The following DENND5A variants were observed in gnomAD, a reference collection of about 807,000 sequenced individuals.
DENND5A encodes DENN domain containing 5A, also known as DENN domain-containing protein 5A.
DENND5A carries 64 observed loss-of-function variants against 140.3 expected under a neutral mutation model. The ratio of observed to expected loss-of-function variants is 0.46; its 90% CI spans 0.37 to 0.56. The LOEUF is 0.56. Among genes scored for constraint, DENND5A ranks in the 20% least tolerant of loss-of-function variants. DENND5A has a pLI of 0.00. For synonymous variants in DENND5A, 605 were observed against 607.7 expected (o/e 1.00, Z 0.07); for missense variants, 1,292 against 1,593.8 (o/e 0.81, Z 3.22).
rs1384186129 is a variant in DENND5A, at chr11:9,243,109, AAAAAAAAC to A, written c.109+21844_109+21851del. On this transcript the variant is annotated intron_variant, in intron 1 of 22. Coordinates refer to ENST00000328194, the MANE Select transcript of DENND5A (RefSeq NM_015213.4). Reference sequence around the variant, plus strand: ...TCTCAAAAAAAAAAAAAAAAACAAAAAAAAAAACTGAGGCGAGTAAGGCTAATTGGAAT... The same window carrying A: ...TCTCAAAAAAAAAAAAAAAAACAAAATGAGGCGAGTAAGGCTAATTGGAAT... 1.3e-3 allele frequency among the ~76,000 whole-genome samples: 191 copies of A among 147,580 alleles called. 5 individuals carry two copies. Among genetic ancestry groups the A allele is most frequent in the Non-Finnish European group, 1.8e-3 (122 of 67,544 alleles).
At chr11:9,187,312 G>A (rs867246118) in intron 5 of DENND5A, among the ~76,000 whole-genome samples, 45 of 152,070 alleles carry the variant, frequency 3.0e-4, no homozygotes, top group African/African-American at 1.0e-3. Flanking sequence ...TAACAGCTTT[G>A]GGGAGAGTAG....
chr11:9,176,611 T>C (rs1264759695), intron 8 of DENND5A, among the ~76,000 whole-genome samples: 1 of 152,104 alleles, frequency 6.6e-6, no homozygotes, highest in Non-Finnish European at 1.5e-5. Flanking sequence ...CCAATAATGA[T>C]AGCTAGAAAA....
At chr11:9,197,990 C>G (rs768631391) in intron 4 of DENND5A, among the ~76,000 whole-genome samples, 30 of 152,284 alleles carry the variant, frequency 2.0e-4, no homozygotes, top group African/African-American at 7.2e-4. Flanking sequence ...ATTTTCCCCA[C>G]TCTGAGTAAA....
At chr11:9,259,576 A>G (rs575022644) in intron 1 of DENND5A, among the ~76,000 whole-genome samples, 1 of 152,046 alleles carries the variant, frequency 6.6e-6, no homozygotes, top group South Asian at 2.1e-4. Flanking sequence ...CAAAACAAAC[A>G]AACAAACAAA....
intron 1 of DENND5A, among the ~76,000 whole-genome samples, chr11:9,260,280 C>A (rs980653287): frequency 6.6e-6 from 1 of 151,930 alleles, no homozygotes; most frequent in Non-Finnish European, 1.5e-5. Context: ...GTAAGAAATA[C>A]GTCACAAGTA....
At chr11:9,149,973 G>T in intron 15 of DENND5A, 108 bp downstream of exon 15, 1 of 1,436,894 alleles carries the variant, frequency 7.0e-7, no homozygotes, top group Non-Finnish European at 9.3e-7. Context: ...GAGGTTAGCT[G>T]AATGCAGCAG....
chr11:9,157,879 C>T (rs1847862878), intron 12 of DENND5A, among the ~76,000 whole-genome samples: 1 of 152,090 alleles, frequency 6.6e-6, no homozygotes, highest in Non-Finnish European at 1.5e-5. Context: ...ATTTGGATTT[C>T]AGAAAGTGCA....
chr11:9,187,268 T>G, intron 5 of DENND5A, among the ~76,000 whole-genome samples: 1 of 152,154 alleles, frequency 6.6e-6, no homozygotes, highest in Non-Finnish European at 1.5e-5. Flanking sequence ...TCATATATCC[T>G]CCTTCCTCAG....
intron 4 of DENND5A, 194 bp downstream of exon 4, chr11:9,203,466 C>T: frequency 1.7e-6 from 1 of 577,628 alleles, no homozygotes; most frequent in Non-Finnish European, 3.0e-6. Flanking sequence ...CAGCAAAAGG[C>T]CATGAAGATA....
chr11:9,205,384 A>T (rs994538262), intron 3 of DENND5A, among the ~76,000 whole-genome samples: 14 of 152,214 alleles, frequency 9.2e-5, no homozygotes, highest in African/African-American at 2.9e-4. Context: ...TATTATATCT[A>T]TTAGCCTTAA....
chr11:9,168,760 C>A (rs1848271453), intron 10 of DENND5A, among the ~76,000 whole-genome samples: 1 of 152,166 alleles, frequency 6.6e-6, no homozygotes, highest in African/African-American at 2.4e-5. Context: ...TTTTCCAATT[C>A]ACTGAGCTGC....
chr11:9,144,070 G>A (rs1564878723), intron 19 of DENND5A, 27 bp downstream of exon 19: 5 of 1,604,954 alleles, frequency 3.1e-6, no homozygotes, highest in East Asian at 4.5e-5. Flanking sequence ...TGTATGGCAT[G>A]AGGGCCCAAC....
In DENND5A at chr11:9,203,598, T is replaced by G; in HGVS notation, c.949+62A>C. On this transcript the variant is annotated intron_variant, in intron 4 of 22. Coordinates refer to ENST00000328194, the MANE Select transcript of DENND5A (RefSeq NM_015213.4). The stretch of plus-strand genomic sequence containing the variant: ...AACCTTTACAGTCAGCCTCACTGTA[T>G]CTGAACATGGAAAGCAAAGAAGCCT... 2.6e-6 allele frequency: 4 copies of G among 1,534,974 alleles called. No individual in the cohort carries two copies. In the South Asian group the frequency reaches 5.1e-5, roughly 20 times the overall value.
At chr11:9,210,658 C>G (rs1174572096) in intron 1 of DENND5A, among the ~76,000 whole-genome samples, 2 of 152,182 alleles carry the variant, frequency 1.3e-5, no homozygotes, top group Non-Finnish European at 2.9e-5. Context: ...ATCCTCCCAC[C>G]TCAGCCTCCA....
At chr11:9,220,050 T>C (rs368520124) in intron 1 of DENND5A, among the ~76,000 whole-genome samples, 13 of 152,126 alleles carry the variant, frequency 8.5e-5, no homozygotes, top group Non-Finnish European at 1.2e-4. Flanking sequence ...TGAAGAGAGA[T>C]TGGTTTTGTT....
intron 11 of DENND5A, among the ~76,000 whole-genome samples, chr11:9,164,443 C>T (rs1050115595): frequency 6.6e-6 from 1 of 151,880 alleles, no homozygotes; most frequent in African/African-American, 2.4e-5. Flanking sequence ...ATGGGCACCA[C>T]TTAGAACTGA....
chr11:9,144,995 T>G lies in DENND5A; in HGVS notation c.3122A>C (p.Lys1041Thr), dbSNP rs756937624. 12 of 1,602,946 alleles carry G rather than the reference T, an allele frequency of 7.5e-6. No homozygotes were observed. The highest frequency in any genetic ancestry group is 5.1e-6 in the Non-Finnish European group (6 of 1,169,962). Residue 1041 changes from lysine (K) to threonine (T), a missense_variant and splice_region_variant, in exon 18 of 23, where the codon AAG (lysine) becomes ACG (threonine). Transcript: ENST00000328194. ...CCTTACAGCCTGAGGGTATACTTAC[T>G]TGTAGGTATGTCCTGTGATCTCATT... ...VRNEITGHTYKFPCGRWLGKG... is the reference protein window; with the variant it reads ...VRNEITGHTYTFPCGRWLGKG...
intron 11 of DENND5A, 74 bp downstream of exon 11, chr11:9,165,762 G>A (rs931730876): frequency 3.2e-6 from 5 of 1,546,570 alleles, no homozygotes; most frequent in African/African-American, 1.4e-5. Context: ...CAGAGGGAGT[G>A]GTCAGAGCCA....
At chr11:9,177,041 G>A (rs1368604640) in intron 8 of DENND5A, 3 of 399,104 alleles carry the variant, frequency 7.5e-6, no homozygotes, top group African/African-American at 6.3e-5. Context: ...AACTGCTTGA[G>A]CCCAAGAGTT....
Sources: gnomAD v4.1 joint callset for allele counts (sites outside exome capture counted in the v4.1 genomes callset) on GRCh38, gnomAD v4.1.1 for gene constraint, MANE v1.5 for transcripts, NCBI Gene and HGNC (gene_info 2026-07-23, HGNC 2026-07-21) for gene names.